The following SSX2IP variants were observed in gnomAD, a reference collection of about 807,000 sequenced individuals.
SSX2IP encodes the protein afadin- and alpha-actinin-binding protein.
In SSX2IP, 55 loss-of-function variants were observed where a neutral mutation model predicts 84.9. That is an observed-to-expected ratio of 0.65 (90% CI 0.52 to 0.81). The LOEUF is 0.81. SSX2IP is among the 30% of genes least tolerant of loss of function. SSX2IP has a pLI of 0.00. For missense variants in SSX2IP, 664 were observed against 705.2 expected, an observed-to-expected ratio of 0.94 and a Z score of 0.66; for synonymous variants, 239 against 234.7, an observed-to-expected ratio of 1.02 and a Z score of -0.17.
chr1:84,656,348 C>T lies in SSX2IP; in HGVS notation c.1215G>A (p.Gln405=), dbSNP rs1237433086. ...GCTTTAAAAGGTAATTCATATTCAC[C>T]TGTAAAAGCTGTTGCTGAGTTTTAA... is the stretch of plus-strand genomic sequence containing the variant. ...EMIKTQQQLL[Q]QQLATAYDDD... Residue 405 remains glutamine, a splice_region_variant and synonymous_variant, in exon 10 of 14, where the codon CAG becomes CAA. Coordinates refer to ENST00000342203, the MANE Select transcript of SSX2IP (RefSeq NM_001166293.2). The T allele has an allele frequency of 1.2e-6, 2 of 1,609,746 alleles. No homozygotes were observed. The highest frequency in any genetic ancestry group is 1.3e-5 in the African/African-American group (1 of 74,782).
intron 1 of SSX2IP, among the ~76,000 whole-genome samples, chr1:84,677,719 G>T (rs1442037771): frequency 6.6e-6 from 1 of 152,168 alleles, no homozygotes; most frequent in East Asian, 1.9e-4. Context: ...CCATCACGTT[G>T]TAAGCAACTC....
At chr1:84,657,750 G>C (rs1028987647) in intron 9 of SSX2IP, among the ~76,000 whole-genome samples, 11 of 152,174 alleles carry the variant, frequency 7.2e-5, no homozygotes, top group Non-Finnish European at 1.2e-4. Context: ...ATCCAGAGCA[G>C]ATGGATCCAT....
intron 13 of SSX2IP, 139 bp from the exon 14 acceptor site, chr1:84,647,746 T>G: frequency 1.9e-4 from 60 of 309,410 alleles, no homozygotes; most frequent in East Asian, 3.7e-4. Flanking sequence ...TTTAAAATTT[T>G]ACTTGGAAAA....
intron 4 of SSX2IP, among the ~76,000 whole-genome samples, chr1:84,667,394 T>C (rs1269745092): frequency 6.6e-6 from 1 of 152,124 alleles, no homozygotes; most frequent in Non-Finnish European, 1.5e-5. Flanking sequence ...TTACTTACTA[T>C]TCCCATTAGC....
At chr1:84,658,490 G>C in intron 8 of SSX2IP, 22 bp from the exon 9 acceptor site, 1 of 1,609,496 alleles carries the variant, frequency 6.2e-7, no homozygotes, top group Non-Finnish European at 8.5e-7. Flanking sequence ...GAGAGATGAA[G>C]AGGAAAGGCT....
intron 3 of SSX2IP, 51 bp from the exon 4 acceptor site, chr1:84,669,944 G>T: frequency 7.4e-7 from 1 of 1,356,094 alleles, no homozygotes; most frequent in Non-Finnish European, 1.0e-6. Flanking sequence ...AGGAGATACT[G>T]GTCAGAGGAT....
chr1:84,671,461 A>G, intron 1 of SSX2IP, 153 bp from the exon 2 acceptor site: 1 of 462,768 alleles, frequency 2.2e-6, no homozygotes, highest in Non-Finnish European at 3.5e-6. Context: ...GTGTGTGTAT[A>G]TACATAGAAA....
In SSX2IP at chr1:84,650,710, CTT is replaced by C. The variant is rs11349588; in HGVS notation, c.1505-185_1505-184del. Among the ~76,000 whole-genome samples, 114 of 147,218 alleles carry C rather than the reference CTT, an allele frequency of 7.7e-4. 3 individuals are homozygous for C. In the East Asian group the frequency reaches 0.016, roughly 21 times the overall value. ...ATAGTCCACCCATGTTTAAAAGGAT[CTT>C]TTTTTTTTTTGAGATGGAGTCTTGC... On this transcript the variant is annotated intron_variant, in intron 12 of 13. Transcript: ENST00000342203.
At chr1:84,686,872 T>A (rs1469899327) in intron 1 of SSX2IP, among the ~76,000 whole-genome samples, 1 of 152,174 alleles carries the variant, frequency 6.6e-6, no homozygotes, top group East Asian at 1.9e-4. Context: ...TTCAGAAAGA[T>A]GATCACCAAA....
At chr1:84,648,309 T>C (rs1399115545) in intron 13 of SSX2IP, among the ~76,000 whole-genome samples, 2 of 152,234 alleles carry the variant, frequency 1.3e-5, no homozygotes, top group East Asian at 3.8e-4. Context: ...TCTTAGAGGC[T>C]AGTTAACAAT....
At chr1:84,674,136 G>C (rs552596675) in intron 1 of SSX2IP, among the ~76,000 whole-genome samples, 120 of 152,210 alleles carry the variant, frequency 7.9e-4, no homozygotes, top group African/African-American at 2.7e-3. Flanking sequence ...TAACCTCTCT[G>C]AGCCATACCT....
chr1:84,648,003 C>CT (rs71097851), intron 13 of SSX2IP, among the ~76,000 whole-genome samples: 2 of 151,954 alleles, frequency 1.3e-5, no homozygotes, highest in East Asian at 1.9e-4. Flanking sequence ...ATCAGAATCC[C>CT]TGTACAAATG....
chr1:84,658,414 C>T lies in SSX2IP; in HGVS notation c.982G>A (p.Asp328Asn), dbSNP rs558263750. The change falls in exon 9 of 14, where the codon GAC (aspartate) becomes AAC (asparagine). Residue 328 changes from aspartate to asparagine, a missense_variant. Coordinates refer to ENST00000342203, the MANE Select transcript of SSX2IP (RefSeq NM_001166293.2). Reference sequence around the variant, plus strand: ...TCTCTCACAGTTTCACAGGAAAGGTCCCACATACTCTCTCTGCTTAGTTCC... The same window carrying T: ...TCTCTCACAGTTTCACAGGAAAGGTTCCACATACTCTCTCTGCTTAGTTCC... ...AGELSRESMW[D>N]LSCETVREQL... 2 of 1,614,070 alleles carry T rather than the reference C, an allele frequency of 1.2e-6. No homozygotes were observed.
chr1:84,685,811 G>A (rs1047458754), intron 1 of SSX2IP, among the ~76,000 whole-genome samples: 10 of 152,154 alleles, frequency 6.6e-5, no homozygotes, highest in Non-Finnish European at 1.0e-4. Context: ...ATCCTATGCA[G>A]GGGGATATTC....
chr1:84,656,686 T>A (rs1557478238), intron 9 of SSX2IP, among the ~76,000 whole-genome samples: 1 of 152,144 alleles, frequency 6.6e-6, no homozygotes, highest in East Asian at 1.9e-4. Flanking sequence ...TTTAACATTA[T>A]AAAAAATGTT....
chr1:84,684,277 C>A (rs1482568514), intron 1 of SSX2IP, among the ~76,000 whole-genome samples: 1 of 152,140 alleles, frequency 6.6e-6, no homozygotes, highest in Non-Finnish European at 1.5e-5. Context: ...GGTGGGAGAA[C>A]CTCCACGTAA....
intron 8 of SSX2IP, among the ~76,000 whole-genome samples, chr1:84,658,982 C>T (rs551698882): frequency 1.5e-5 from 1 of 68,276 alleles, no homozygotes; most frequent in Admixed American, 1.8e-4. Context: ...AGATACTTTT[C>T]TTTGTATTCT....
In SSX2IP at chr1:84,690,435, G is replaced by C. The variant is rs1179306103; in HGVS notation, c.-154C>G. The C allele has an allele frequency of 6.6e-6, 1 of 150,956 alleles. No individual in the cohort carries two copies. Among genetic ancestry groups the C allele is most frequent in the East Asian group, 2.0e-4 (1 of 5,080 alleles). The allele number at this position is 150,956 out of a possible 1,614,324, so 9.4% of individuals were successfully genotyped here. A position where few individuals can be genotyped will look rare whatever the true frequency, so the allele number is the denominator to read the frequency against. ...CGTCCTAGCCCGGCTCCCGCAGCCC[G>C]AGGGCCAGCAGCGCCTCGCAGCGCC... On this transcript the variant is annotated 5_prime_UTR_variant, in exon 1 of 14. Coordinates refer to ENST00000342203, the MANE Select transcript of SSX2IP (RefSeq NM_001166293.2).
At chr1:84,648,169 A>T (rs1649720152) in intron 13 of SSX2IP, among the ~76,000 whole-genome samples, 1 of 152,138 alleles carries the variant, frequency 6.6e-6, no homozygotes, top group Non-Finnish European at 1.5e-5. Context: ...TGCAATATTA[A>T]TATAAACCGA....
Sources: gnomAD v4.1 joint callset for allele counts (sites outside exome capture counted in the v4.1 genomes callset) on GRCh38, gnomAD v4.1.1 for gene constraint, MANE v1.5 for transcripts, NCBI Gene and HGNC (gene_info 2026-07-23, HGNC 2026-07-21) for gene names.